The following MAP3K1 variants were observed in gnomAD, a reference collection of about 807,000 sequenced individuals.
MAP3K1 encodes MAP/ERK kinase kinase 1.
In MAP3K1, 36 loss-of-function variants were observed where a neutral mutation model predicts 144.2. The ratio of observed to expected loss-of-function variants is 0.25; its 90% CI spans 0.19 to 0.33. The LOEUF (loss-of-function observed/expected upper bound fraction) is 0.33. MAP3K1 is among the 10% of genes least tolerant of loss of function. The pLI is 1.00. For synonymous variants in MAP3K1, 718 were observed against 688.7 expected (o/e 1.04, Z -0.67); for missense variants, 1,650 against 1,881.9 (o/e 0.88, Z 2.28).
Position 56,875,222 on chromosome 5 carries a change from G to T in MAP3K1, c.1877G>T (p.Ser626Ile), listed in dbSNP as rs1230504031. Reference protein sequence around the residue: ...GGATSGSSQTSISGDVVEACC... With the variant: ...GGATSGSSQTIISGDVVEACC... Reference sequence around the variant, plus strand: ...GCCACCAGTGGGTCTTCCCAGACCAGTATCTCAGGAGATGTGGTGGAGGCA... The same window carrying T: ...GCCACCAGTGGGTCTTCCCAGACCATTATCTCAGGAGATGTGGTGGAGGCA... Residue 626 changes from serine (S) to isoleucine (I), a missense_variant, in exon 10 of 20, where the codon AGT (serine) becomes ATT (isoleucine). Physicochemically the swap from Ser to Ile is moderately radical, Grantham distance 142. This residue lies in a region of MAP3K1 where 841 missense variants were observed against 886.5 expected (regional missense o/e 0.95). Transcript: ENST00000399503. 2.5e-6 allele frequency: 4 copies of T among 1,614,182 alleles called. No homozygotes were observed. The highest frequency in any genetic ancestry group is 3.4e-6 in the Non-Finnish European group (4 of 1,180,024).
chr5:56,870,511 TAAATC>T (rs1291602466), intron 6 of MAP3K1, among the ~76,000 whole-genome samples: 3 of 152,310 alleles, frequency 2.0e-5, no homozygotes, highest in South Asian at 4.1e-4. Context: ...AAAAATTACA[TAAATC>T]AAGGAATGAA....
At chr5:56,848,332 G>C (rs1747061863) in intron 1 of MAP3K1, among the ~76,000 whole-genome samples, 1 of 152,142 alleles carries the variant, frequency 6.6e-6, no homozygotes, top group Non-Finnish European at 1.5e-5. Flanking sequence ...CTAGTTTATG[G>C]TAGAAGTTGT....
Position 56,886,056 on chromosome 5 carries a change from T to C in MAP3K1, c.4107T>C (p.Asp1369=), listed in dbSNP as rs373835578. 6.6e-5 allele frequency: 106 copies of C among 1,611,978 alleles called. No individual in the cohort carries two copies. The highest frequency in any genetic ancestry group is 8.6e-5 in the Non-Finnish European group (101 of 1,178,296). Residue 1369 remains aspartate, a synonymous_variant, in exon 17 of 20, where the codon GAT becomes GAC. Transcript: ENST00000399503. The part of the protein sequence containing the change: ...YLHENQIIHR[D]VKGANLLIDS... Reference sequence around the variant, plus strand: ...ATGAAAACCAAATCATTCACAGAGATGTCAAAGGTGAGAATTCTTCTAATT... The same window carrying C: ...ATGAAAACCAAATCATTCACAGAGACGTCAAAGGTGAGAATTCTTCTAATT...
At chr5:56,823,886 T>G (rs1746229650) in intron 1 of MAP3K1, among the ~76,000 whole-genome samples, 1 of 152,182 alleles carries the variant, frequency 6.6e-6, no homozygotes, top group South Asian at 2.1e-4. Context: ...TAAGAGTGCG[T>G]GTGTGTATAT....
At chr5:56,861,894 G>C (rs1307630885) in intron 3 of MAP3K1, among the ~76,000 whole-genome samples, 1 of 151,260 alleles carries the variant, frequency 6.6e-6, no homozygotes. Flanking sequence ...AGGAGTTTGG[G>C]TTTTTTTTTA....
intron 1 of MAP3K1, among the ~76,000 whole-genome samples, chr5:56,846,198 C>A (rs1313080903): frequency 6.6e-6 from 1 of 152,180 alleles, no homozygotes. Flanking sequence ...ACTCATATTT[C>A]TGTTCAGGTC....
At chr5:56,864,621 C>T (rs963990770) in intron 3 of MAP3K1, 113 bp from the exon 4 acceptor site, 2 of 1,081,960 alleles carry the variant, frequency 1.8e-6, no homozygotes, top group East Asian at 4.9e-5. Context: ...GATCCGCCCT[C>T]CTCGGCCTCC....
At chr5:56,874,407 C>T (rs1029087844) in intron 9 of MAP3K1, among the ~76,000 whole-genome samples, 1 of 152,182 alleles carries the variant, frequency 6.6e-6, no homozygotes, top group Non-Finnish European at 1.5e-5. Context: ...TCTACGTCTA[C>T]ATTTATCCTT....
At chr5:56,853,327 A>G (rs942760366) in intron 1 of MAP3K1, among the ~76,000 whole-genome samples, 1 of 152,222 alleles carries the variant, frequency 6.6e-6, no homozygotes, top group African/African-American at 2.4e-5. Flanking sequence ...TAATTTAGGA[A>G]CAGTGAAAAT....
chr5:56,893,767 C>A lies in MAP3K1; in HGVS notation c.*87C>A, dbSNP rs1360071820. The A allele has an allele frequency of 4.2e-6, 6 of 1,414,946 alleles. No individual in the cohort carries two copies. The highest frequency in any genetic ancestry group is 5.9e-6 in the Non-Finnish European group (6 of 1,018,310). The allele number at this position is 1,414,946 out of a possible 1,614,324, so 87.6% of individuals were successfully genotyped here. A position where few individuals can be genotyped will look rare whatever the true frequency, so the allele number is the denominator to read the frequency against. On this transcript the variant is annotated 3_prime_UTR_variant, in exon 20 of 20. Coordinates refer to ENST00000399503, the MANE Select transcript of MAP3K1 (RefSeq NM_005921.2). Reference sequence around the variant, plus strand: ...GGGAACCACATTGATATTCTACTGGCCATGATGCCACTGAACAGCTATGAA... The same window carrying A: ...GGGAACCACATTGATATTCTACTGGACATGATGCCACTGAACAGCTATGAA...
At position 56,816,015 on chromosome 5, in the gene MAP3K1, G is replaced by C; in HGVS notation, c.442G>C (p.Ala148Pro). Residue 148 changes from alanine (A) to proline (P), a missense_variant, in exon 1 of 20, where the codon GCG (alanine) becomes CCG (proline). Physicochemically the swap from Ala to Pro is conservative, Grantham distance 27. Around this residue, in one of 6 missense-constraint regions of MAP3K1, gnomAD observed 360 missense variants for 274.7 expected, o/e 1.31. Coordinates refer to ENST00000399503, the MANE Select transcript of MAP3K1 (RefSeq NM_005921.2). ...PAAAEPGEKR[A>P]PAAEPSPAAA... ...AGCGGCCGAGCCCGGGGAGAAGCGGGCGCCCGCCGCCGAGCCGTCTCCTGC... is the reference window on the plus strand; with the variant it reads ...AGCGGCCGAGCCCGGGGAGAAGCGGCCGCCCGCCGCCGAGCCGTCTCCTGC... 8.2e-7 allele frequency: 1 copy of C among 1,224,708 alleles called. No individual in the cohort carries two copies. The highest frequency in any genetic ancestry group is 1.0e-6 in the Non-Finnish European group (1 of 985,076). 75.9% of individuals were successfully genotyped at this position (1,224,708 alleles called of 1,614,324 possible). A position where few individuals can be genotyped will look rare whatever the true frequency, so the allele number is the denominator to read the frequency against.
intron 1 of MAP3K1, among the ~76,000 whole-genome samples, chr5:56,844,099 TAAAG>T (rs1271586999): frequency 6.6e-6 from 1 of 151,446 alleles, no homozygotes; most frequent in African/African-American, 2.4e-5. Context: ...CTGTGATAAA[TAAAG>T]CCAACTAACT....
Position 56,884,653 on chromosome 5 carries a change from A to G in MAP3K1, c.3820-11A>G, listed in dbSNP as rs3736430. ...TATGCAAAACTTTGTGAACGTGTTT[A>G]TTTGAAACAGGTGACTTATGTCAGA... On this transcript the variant is annotated splice_polypyrimidine_tract_variant and intron_variant, in intron 15 of 19. Transcript: ENST00000399503. 0.12 allele frequency: 194,201 copies of G among 1,612,514 alleles called. 14,534 individuals are homozygous for G. Among genetic ancestry groups the G allele is most frequent in the East Asian group, 0.33 (14,939 of 44,728 alleles).
At chr5:56,821,434 T>C (rs1002559324) in intron 1 of MAP3K1, among the ~76,000 whole-genome samples, 1 of 152,246 alleles carries the variant, frequency 6.6e-6, no homozygotes, top group Non-Finnish European at 1.5e-5. Context: ...TACACAGTAC[T>C]GTAGTTAGTA....
rs894243957 is a variant in MAP3K1 at position 56,817,266 on chromosome 5, A to C, written c.482+1211A>C. The C allele has an allele frequency of 2.6e-5, 6 of 226,466 alleles. No individual in the cohort carries two copies. In the Admixed American group the frequency reaches 3.9e-4, roughly 15 times the overall value. 14.0% of individuals were successfully genotyped at this position (226,466 alleles called of 1,614,324 possible). ...AACGTATGCAAAGTACAAAGTCTTG[A>C]TGGGTATTTTGAGTTGCTGGAAATG... On this transcript the variant is annotated intron_variant, in intron 1 of 19. Transcript: ENST00000399503.
At chr5:56,859,065 TAAAA>T (rs34494768) in intron 2 of MAP3K1, among the ~76,000 whole-genome samples, 2 of 125,580 alleles carry the variant, frequency 1.6e-5, no homozygotes, top group Admixed American at 8.2e-5. Flanking sequence ...AAGCCTTAAT[TAAAA>T]AAAAAAAAAA....
At chr5:56,873,841 G>C in intron 9 of MAP3K1, among the ~76,000 whole-genome samples, 1 of 151,964 alleles carries the variant, frequency 6.6e-6, no homozygotes, top group East Asian at 1.9e-4. Flanking sequence ...ACCCATTTAT[G>C]AATCTAATAA....
intron 1 of MAP3K1, chr5:56,820,593 T>A: frequency 1.0e-6 from 1 of 985,106 alleles, no homozygotes; most frequent in Non-Finnish European, 1.2e-6. Flanking sequence ...GTTTCTTAGA[T>A]TTATTGATTT....
intron 14 of MAP3K1, among the ~76,000 whole-genome samples, chr5:56,883,102 G>C (rs1453792209): frequency 6.6e-6 from 1 of 152,060 alleles, no homozygotes; most frequent in Admixed American, 6.5e-5. Flanking sequence ...AGGTGGGGAG[G>C]GTCACTTGAA....
Sources: gnomAD v4.1 joint callset for allele counts (sites outside exome capture counted in the v4.1 genomes callset) on GRCh38, gnomAD v4.1.1 for gene constraint, gnomAD v4.1.1 regional missense constraint, MANE v1.5 for transcripts, NCBI Gene and HGNC (gene_info 2026-07-23, HGNC 2026-07-21) for gene names.